PDE4D: variants seen among roughly 807,000 people sequenced by gnomAD.
PDE4D encodes the protein 3',5'-cyclic-AMP phosphodiesterase 4D.
PDE4D carries 24 observed loss-of-function variants against 87.4 expected under a neutral mutation model. That is an observed-to-expected ratio of 0.27 (90% CI 0.20 to 0.39). The LOEUF (loss-of-function observed/expected upper bound fraction) is 0.39, where lower values mean the gene tolerates loss of function less well. Among genes scored for constraint, PDE4D ranks in the 10% least tolerant of loss-of-function variants. The pLI is 1.00. For synonymous variants in PDE4D, 384 were observed against 383.2 expected (o/e 1.00, Z -0.02); for missense variants, 714 against 1,041.0 (o/e 0.69, Z 4.32).
intron 5 of PDE4D, among the ~76,000 whole-genome samples, chr5:59,062,770 CT>C (rs539110386): frequency 5.2e-4 from 72 of 138,680 alleles, no homozygotes; most frequent in African/African-American, 1.5e-3. Flanking sequence ...CCAGATAAAA[CT>C]TTTTTTAAAG....
chr5:59,239,934 A>G (rs1255781493), intron 1 of PDE4D, among the ~76,000 whole-genome samples: 4 of 152,220 alleles, frequency 2.6e-5, no homozygotes, highest in Non-Finnish European at 4.4e-5. Flanking sequence ...AAAATAGTAC[A>G]TGCTCCGTAA....
intron 1 of PDE4D, among the ~76,000 whole-genome samples, chr5:59,865,930 G>A (rs4541619): frequency 6.6e-6 from 1 of 152,244 alleles, no homozygotes; most frequent in East Asian, 1.9e-4. Context: ...ACAGGTGATT[G>A]CTGCTAGAAC....
intron 1 of PDE4D, chr5:59,768,708 T>C: frequency 3.9e-6 from 5 of 1,295,388 alleles, no homozygotes; most frequent in East Asian, 2.5e-5. Context: ...GTATTAAACG[T>C]CACCCCTCCT....
At chr5:60,274,013 A>C (rs1320622772) in intron 1 of PDE4D, among the ~76,000 whole-genome samples, 1 of 152,178 alleles carries the variant, frequency 6.6e-6, no homozygotes, top group African/African-American at 2.4e-5. Context: ...GTCTCAGGGC[A>C]TCAGGAGATG....
chr5:60,476,696 T>C (rs1033268819), intron 1 of PDE4D, among the ~76,000 whole-genome samples: 4 of 152,164 alleles, frequency 2.6e-5, no homozygotes, highest in East Asian at 1.9e-4. Context: ...CAGCCTTGCA[T>C]CCACTAATGC....
rs1389439526 is a variant in PDE4D at position 59,985,138 on chromosome 5, G to GTTTT, written c.272+3346_272+3349dup. 4.4e-5 allele frequency among the ~76,000 whole-genome samples: 5 copies of GTTTT among 113,194 alleles called. 1 individual carries two copies. The highest frequency in any genetic ancestry group is 7.1e-4 in the South Asian group (2 of 2,802). The allele number at this position is 113,194 out of a possible 152,430, so 74.3% of individuals were successfully genotyped here. A position where few individuals can be genotyped will look rare whatever the true frequency, so the allele number is the denominator to read the frequency against. ...CTTCACCTTTCGTTTTTTGTTTTTT[G>GTTTT]TTTTTTGTTTTTTATTTTGAGACAG... On this transcript the variant is annotated intron_variant, in intron 3 of 16. Transcript: ENST00000502484.
At chr5:59,693,368 C>G (rs975184329) in intron 1 of PDE4D, among the ~76,000 whole-genome samples, 1 of 152,040 alleles carries the variant, frequency 6.6e-6, no homozygotes, top group Admixed American at 6.6e-5. Context: ...ATGTTTTCCA[C>G]TGCTTTTCTC....
chr5:59,121,293 A>G (rs1400754790), intron 5 of PDE4D, among the ~76,000 whole-genome samples: 1 of 152,218 alleles, frequency 6.6e-6, no homozygotes, highest in Non-Finnish European at 1.5e-5. Flanking sequence ...AAATATTTGC[A>G]AACTACTCAT....
chr5:59,653,225 T>TTTTTTA (rs1188904512), intron 1 of PDE4D, among the ~76,000 whole-genome samples: 1 of 150,576 alleles, frequency 6.6e-6, no homozygotes, highest in African/African-American at 2.4e-5. Flanking sequence ...TTTTTTTTTT[T>TTTTTTA]AGACAGAGTT....
intron 1 of PDE4D, among the ~76,000 whole-genome samples, chr5:60,367,933 C>A (rs1760695970): frequency 6.6e-6 from 1 of 152,126 alleles, no homozygotes; most frequent in Admixed American, 6.5e-5. Flanking sequence ...TTCTGCCCTG[C>A]CCTCTCCAGA....
intron 5 of PDE4D, among the ~76,000 whole-genome samples, chr5:59,081,518 T>TAAAAAAAAAAAAA (rs35050580): frequency 1.5e-5 from 2 of 135,436 alleles, no homozygotes; most frequent in African/African-American, 5.6e-5. Context: ...AGTAATCAGG[T>TAAAAAAAAAAAAA]AAAAAAAAAA....
chr5:60,272,131 G>C (rs908247456), intron 1 of PDE4D, among the ~76,000 whole-genome samples: 1 of 152,162 alleles, frequency 6.6e-6, no homozygotes, highest in African/African-American at 2.4e-5. Context: ...CTAGAATGTG[G>C]TCTATAAAGG....
At chr5:59,859,937 T>C (rs1464778891) in intron 1 of PDE4D, among the ~76,000 whole-genome samples, 2 of 152,202 alleles carry the variant, frequency 1.3e-5, no homozygotes, top group African/African-American at 4.8e-5. Flanking sequence ...GCAGGGATTG[T>C]AGTTGGAAGA....
chr5:59,493,539 T>C (rs928128861), intron 1 of PDE4D, among the ~76,000 whole-genome samples: 1 of 152,226 alleles, frequency 6.6e-6, no homozygotes, highest in Non-Finnish European at 1.5e-5. Flanking sequence ...ATCTACTCTG[T>C]TTCTCAAGTT....
rs183449005 is a variant in PDE4D at position 60,032,092 on chromosome 5, T to A, written c.43-43375A>T. ...TTCAAAAACAGAAGAATTTAGTAAT[T>A]CAGGGAAATACAATAAAATCTTAGT... On this transcript the variant is annotated intron_variant, in intron 2 of 16. Transcript: ENST00000502484. Among the ~76,000 whole-genome samples, 399 of 152,208 alleles carry A rather than the reference T, an allele frequency of 2.6e-3. 2 individuals are homozygous for A. Among genetic ancestry groups the A allele is most frequent in the African/African-American group, 9.2e-3 (384 of 41,552 alleles).
intron 1 of PDE4D, among the ~76,000 whole-genome samples, chr5:59,543,086 A>G (rs1196735772): frequency 6.6e-6 from 1 of 152,174 alleles, no homozygotes; most frequent in Non-Finnish European, 1.5e-5. Context: ...GAGGAGTGAC[A>G]GGGAAGTTTT....
intron 1 of PDE4D, among the ~76,000 whole-genome samples, chr5:59,843,325 T>G (rs1743325056): frequency 6.6e-6 from 1 of 152,030 alleles, no homozygotes; most frequent in Admixed American, 6.6e-5. Flanking sequence ...GTGCACTTGC[T>G]TTTCAGTTTT....
intron 1 of PDE4D, among the ~76,000 whole-genome samples, chr5:59,406,905 T>G (rs1196256276): frequency 6.6e-6 from 1 of 152,218 alleles, no homozygotes; most frequent in Non-Finnish European, 1.5e-5. Context: ...ATCATCATTA[T>G]TTTCATTTGT....
chr5:59,606,975 C>T (rs1828294760), intron 1 of PDE4D, among the ~76,000 whole-genome samples: 1 of 151,966 alleles, frequency 6.6e-6, no homozygotes, highest in Non-Finnish European at 1.5e-5. Context: ...TTACTGATTT[C>T]ATATACCTTT....
Sources: allele counts gnomAD v4.1 joint callset (sites outside exome capture counted in the v4.1 genomes callset), GRCh38; gene constraint gnomAD v4.1.1; transcripts MANE v1.5; gene names NCBI Gene and HGNC (gene_info 2026-07-23, HGNC 2026-07-21).